Variants in STRBP observed in about 807,000 individuals in gnomAD.
STRBP encodes the protein spermatid perinuclear RNA-binding protein.
STRBP carries 13 observed loss-of-function variants against 80.1 expected under a neutral mutation model. The observed-to-expected ratio is 0.16, with a 90% CI of 0.11 to 0.26. The LOEUF is 0.26. Ranked by LOEUF, STRBP falls within the 10% of genes least tolerant of loss-of-function variation. The probability of loss-of-function intolerance (pLI) is 1.00; values close to 1 mark genes in which losing one functional copy is unlikely to be tolerated. For missense variants in STRBP, 485 were observed against 815.2 expected (o/e 0.59, Z 4.93); for synonymous variants, 284 against 291.2 (o/e 0.98, Z 0.25).
chr9:123,204,145 A>G (rs923751978), intron 2 of STRBP, among the ~76,000 whole-genome samples: 1 of 152,226 alleles, frequency 6.6e-6, no homozygotes, highest in African/African-American at 2.4e-5. Context: ...AAAGAGAAAC[A>G]CAAACGAATT....
chr9:123,127,465 A>G (rs1278046585), intron 18 of STRBP, among the ~76,000 whole-genome samples: 3 of 152,200 alleles, frequency 2.0e-5, no homozygotes, highest in East Asian at 1.9e-4. Context: ...CTGATTCTAT[A>G]ACATGTAGCA....
chr9:123,123,678 T>C lies in STRBP; in HGVS notation c.*1919A>G, dbSNP rs1276560744. ...TTCAAAAGAATTTTCTAACGAGAAA[T>C]ATCTAGAGATTCCAACGTGGAATCC... is the stretch of plus-strand genomic sequence containing the variant. On this transcript the variant is annotated 3_prime_UTR_variant, in exon 19 of 19. Coordinates refer to ENST00000348403, the MANE Select transcript of STRBP (RefSeq NM_018387.5). 3.0e-6 allele frequency: 3 copies of C among 985,224 alleles called. No individual in the cohort carries two copies. The highest frequency in any genetic ancestry group is 6.1e-5 in the Admixed American group (1 of 16,262). 61.0% of individuals were successfully genotyped at this position (985,224 alleles called of 1,614,324 possible).
At position 123,184,174 on chromosome 9, in the gene STRBP, C is replaced by T. The variant is rs1167597126; in HGVS notation, c.-40G>A. On this transcript the variant is annotated 5_prime_UTR_variant, in exon 3 of 19. Coordinates refer to ENST00000348403, the MANE Select transcript of STRBP (RefSeq NM_018387.5). ...TTTTAGCTTCTTTTTCCGATCCTTT[C>T]CCCTCTTTCTTGTCGTCTTCACTAG... 6.2e-7 allele frequency: 1 copy of T among 1,606,458 alleles called. No individual in the cohort carries two copies. Among genetic ancestry groups the T allele is most frequent in the South Asian group, 1.1e-5 (1 of 89,776 alleles).
In STRBP at chr9:123,122,266, G is replaced by T; in HGVS notation, c.*3331C>A. On this transcript the variant is annotated 3_prime_UTR_variant, in exon 19 of 19. Coordinates refer to ENST00000348403, the MANE Select transcript of STRBP (RefSeq NM_018387.5). ...TTATACAAGTGATATGGCTACGAAG[G>T]TCCGAGGAGAACGAGAATAAAGTGA... 2 of 1,218,948 alleles carry T rather than the reference G, an allele frequency of 1.6e-6. No homozygotes were observed. The highest frequency in any genetic ancestry group is 2.2e-6 in the Non-Finnish European group (2 of 925,238). The allele number at this position is 1,218,948 out of a possible 1,614,324, so 75.5% of individuals were successfully genotyped here.
intron 3 of STRBP, among the ~76,000 whole-genome samples, chr9:123,182,376 T>G (rs2038515661): frequency 6.6e-6 from 1 of 151,780 alleles, no homozygotes; most frequent in Non-Finnish European, 1.5e-5. Context: ...AACACAAAAT[T>G]TATACACCAG....
chr9:123,210,550 A>G (rs571636021), intron 2 of STRBP, among the ~76,000 whole-genome samples: 18 of 152,276 alleles, frequency 1.2e-4, no homozygotes, highest in Non-Finnish European at 2.1e-4. Flanking sequence ...ATGATCAAGC[A>G]GGCCGGGCGC....
intron 3 of STRBP, chr9:123,114,114 C>T (rs1229677306): frequency 6.0e-6 from 1 of 167,114 alleles, no homozygotes; most frequent in Non-Finnish European, 1.5e-5. Flanking sequence ...GGCCTTGGAG[C>T]TCTGGCCACC....
At chr9:123,215,236 TTGTAGAGACACG>T (rs1320369837) in intron 2 of STRBP, among the ~76,000 whole-genome samples, 1 of 151,814 alleles carries the variant, frequency 6.6e-6, no homozygotes, top group African/African-American at 2.4e-5. Flanking sequence ...AACTGTTTTA[TTGTAGAGACACG>T]TTCTTGCTAT....
At chr9:123,183,255 C>A (rs1039659627) in intron 3 of STRBP, among the ~76,000 whole-genome samples, 1 of 151,436 alleles carries the variant, frequency 6.6e-6, no homozygotes, top group Non-Finnish European at 1.5e-5. Flanking sequence ...GCCAACATGG[C>A]GAAACCCCGT....
At chr9:123,119,266 G>C (rs2132281903), downstream of STRBP, among the ~76,000 whole-genome samples, 1 of 152,190 alleles carries the variant, frequency 6.6e-6, no homozygotes, top group South Asian at 2.1e-4. Flanking sequence ...GATTCCGGAG[G>C]CAGTTGTAAC....
At chr9:123,177,106 A>G (rs771040105) in intron 4 of STRBP, among the ~76,000 whole-genome samples, 2 of 152,106 alleles carry the variant, frequency 1.3e-5, no homozygotes, top group African/African-American at 2.4e-5. Context: ...CCAGAACACA[A>G]CTCTGTCCTT....
chr9:123,228,482 C>T (rs531287323), intron 2 of STRBP, among the ~76,000 whole-genome samples: 1 of 152,240 alleles, frequency 6.6e-6, no homozygotes, highest in Non-Finnish European at 1.5e-5. Flanking sequence ...ACAGGGGGAG[C>T]TGCACACAAC....
At chr9:123,128,359 A>G in intron 17 of STRBP, 101 bp from the exon 18 acceptor site, 1 of 1,327,782 alleles carries the variant, frequency 7.5e-7, no homozygotes, top group East Asian at 2.3e-5. Flanking sequence ...GGCCCGGAGG[A>G]CTTCTTCCAG....
At chr9:123,116,498 AC>A (rs1264121866) in intron 2 of STRBP, among the ~76,000 whole-genome samples, 1 of 152,224 alleles carries the variant, frequency 6.6e-6, no homozygotes, top group Non-Finnish European at 1.5e-5. Flanking sequence ...CCCAGGGCTG[AC>A]CAGTTGGTCA....
chr9:123,243,097 G>A (rs1475301549), intron 1 of STRBP, among the ~76,000 whole-genome samples: 1 of 151,934 alleles, frequency 6.6e-6, no homozygotes, highest in Non-Finnish European at 1.5e-5. Flanking sequence ...AGATTGCGTG[G>A]TATTGGTAGA....
chr9:123,212,203 A>C (rs2039734524), intron 2 of STRBP, among the ~76,000 whole-genome samples: 1 of 152,232 alleles, frequency 6.6e-6, no homozygotes, highest in Non-Finnish European at 1.5e-5. Flanking sequence ...GGAAGGTAAG[A>C]CTATAAAAAG....
At chr9:123,232,189 G>A (rs1287289491) in intron 2 of STRBP, among the ~76,000 whole-genome samples, 1 of 152,140 alleles carries the variant, frequency 6.6e-6, no homozygotes, top group African/African-American at 2.4e-5. Context: ...GTACATGCTT[G>A]AAATTCCAGC....
At chr9:123,132,761 T>C in intron 17 of STRBP, 84 bp downstream of exon 17, 1 of 1,557,402 alleles carries the variant, frequency 6.4e-7, no homozygotes, top group South Asian at 1.2e-5. Flanking sequence ...ACAAACCCTG[T>C]ACAACCTTAG....
At chr9:123,157,481 AG>A (rs2132387491) in intron 11 of STRBP, among the ~76,000 whole-genome samples, 1 of 152,318 alleles carries the variant, frequency 6.6e-6, no homozygotes, top group South Asian at 2.1e-4. Context: ...ACAGAAGAGA[AG>A]AAAGTCAGTG....
Sources: gnomAD v4.1 joint callset for allele counts (sites outside exome capture counted in the v4.1 genomes callset) on GRCh38, gnomAD v4.1.1 for gene constraint, MANE v1.5 for transcripts, NCBI Gene and HGNC (gene_info 2026-07-23, HGNC 2026-07-21) for gene names.